Variants in MRPS10 observed in about 807,000 individuals in gnomAD.
MRPS10 encodes the protein small ribosomal subunit protein uS10m.
A neutral mutation model predicts 27.5 loss-of-function variants in MRPS10; 23 were observed. The observed-to-expected ratio is 0.84, with a 90% CI of 0.60 to 1.18. The LOEUF (loss-of-function observed/expected upper bound fraction) is 1.18. Ranked by LOEUF, MRPS10 falls within the 50% of genes most tolerant of loss-of-function variation. MRPS10 has a pLI of 0.00. For synonymous variants in MRPS10, 88 were observed against 84.2 expected (o/e 1.04, Z -0.25); for missense variants, 237 against 240.1 (o/e 0.99, Z 0.09).
intron 4 of MRPS10, 145 bp downstream of exon 4, chr6:42,211,636 T>A: frequency 2.7e-6 from 2 of 730,562 alleles, no homozygotes; most frequent in South Asian, 4.5e-5. Flanking sequence ...GTTGTGCCAC[T>A]GTACTCCAGC....
chr6:42,215,206 T>C (rs1467896218), intron 1 of MRPS10, among the ~76,000 whole-genome samples: 3 of 151,702 alleles, frequency 2.0e-5, no homozygotes, highest in Non-Finnish European at 4.4e-5. Flanking sequence ...CTGGCCAACA[T>C]GGTGAAACCC....
Position 42,214,197 on chromosome 6 carries a change from G to A in MRPS10, c.114-5C>T. 6.2e-7 allele frequency: 1 copy of A among 1,611,816 alleles called. No homozygotes were observed. The highest frequency in any genetic ancestry group is 8.5e-7 in the Non-Finnish European group (1 of 1,178,674). ...ACCCACTTCATATTGGTACTGCTAT[G>A]TGTGGGGAAAAAAAGAGAAACCTAA... On this transcript the variant is annotated splice_polypyrimidine_tract_variant and splice_region_variant and intron_variant, in intron 2 of 6. Coordinates refer to ENST00000053468, the MANE Select transcript of MRPS10 (RefSeq NM_018141.4).
At chr6:42,216,640 G>C in intron 1 of MRPS10, among the ~76,000 whole-genome samples, 1 of 151,356 alleles carries the variant, frequency 6.6e-6, no homozygotes, top group Non-Finnish European at 1.5e-5. Context: ...GTGAAACCCC[G>C]TCTCTGCTAA....
chr6:42,215,652 C>T (rs1434300107), intron 1 of MRPS10, among the ~76,000 whole-genome samples: 1 of 152,008 alleles, frequency 6.6e-6, no homozygotes, highest in African/African-American at 2.4e-5. Context: ...GTCTTGAACT[C>T]GTGGGCTCAA....
chr6:42,208,731 C>A, intron 6 of MRPS10, 127 bp downstream of exon 6: 1 of 658,672 alleles, frequency 1.5e-6, no homozygotes. Flanking sequence ...AACTGTGTCT[C>A]CCAGTTTGCC....
chr6:42,216,026 C>CTTTTTTTTTTTTTTTTTT (rs34985131), intron 1 of MRPS10, among the ~76,000 whole-genome samples: 7 of 56,974 alleles, frequency 1.2e-4, no homozygotes, highest in South Asian at 1.3e-3. Context: ...TTTTTCTTTT[C>CTTTTTTTTTTTTTTTTTT]TTTTTTTTTT....
rs184572331 is a variant in MRPS10, at chr6:42,208,976, T to C, written c.433-29A>G. 70 of 1,481,208 alleles carry C rather than the reference T, an allele frequency of 4.7e-5. No individual in the cohort carries two copies. In the African/African-American group the frequency reaches 8.4e-4, roughly 18 times the overall value. 91.8% of individuals were successfully genotyped at this position (1,481,208 alleles called of 1,614,324 possible). On this transcript the variant is annotated intron_variant, in intron 5 of 6. Transcript: ENST00000053468. ...AAACATCAAACATGAAAATGTTTCA[T>C]GTAAGCTGTTTGTTAAAGCACGGTT...
intron 1 of MRPS10, among the ~76,000 whole-genome samples, chr6:42,216,608 C>T (rs1406340616): frequency 2.6e-5 from 4 of 151,312 alleles, no homozygotes; most frequent in African/African-American, 4.9e-5. Flanking sequence ...GTCAGGAGTT[C>T]GAGACCAGCC....
intron 3 of MRPS10, among the ~76,000 whole-genome samples, chr6:42,212,447 A>C (rs566049309): frequency 1.3e-5 from 2 of 152,312 alleles, no homozygotes; most frequent in South Asian, 2.1e-4. Flanking sequence ...TATTATACAA[A>C]GCCAAGTTAG....
chr6:42,212,839 G>A (rs1479714983), intron 3 of MRPS10, among the ~76,000 whole-genome samples: 1 of 152,216 alleles, frequency 6.6e-6, no homozygotes, highest in Non-Finnish European at 1.5e-5. Flanking sequence ...GGGATGAGAA[G>A]GGGGAATATA....
chr6:42,208,887 GT>G lies in MRPS10; in HGVS notation c.492del (p.Leu164PhefsTer9). The part of the protein sequence containing the change: ...DVYLEYIQRN[L>X]PEGVAMEVTK... ...GTTACTTCCATGGCAACCCCTTCAGGTAAGTTTCGCTGAATATATTCCAAGT... is the reference window on the plus strand; with the variant it reads ...GTTACTTCCATGGCAACCCCTTCAGGAAGTTTCGCTGAATATATTCCAAGT... On this transcript the variant is annotated frameshift_variant, in exon 6 of 7. Coordinates refer to ENST00000053468, the MANE Select transcript of MRPS10 (RefSeq NM_018141.4). LOFTEE classifies it high-confidence loss of function. 6.2e-7 allele frequency: 1 copy of G among 1,611,130 alleles called. No homozygotes were observed. The highest frequency in any genetic ancestry group is 1.1e-5 in the South Asian group (1 of 90,780).
At position 42,216,385 on chromosome 6, in the gene MRPS10, A is replaced by AGAGAGAGAGAGAGAGTGTGTGTGTGTGT; in HGVS notation, c.48+1416_48+1417insACACACACACACACTCTCTCTCTCTCTC. On this transcript the variant is annotated intron_variant, in intron 1 of 6. Coordinates refer to ENST00000053468, the MANE Select transcript of MRPS10 (RefSeq NM_018141.4). ...GAGAGAGAGAGAGAGAGAGAGAGAG[A>AGAGAGAGAGAGAGAGTGTGTGTGTGTGT]GTGTGTGTGTGTGTGTGTGTGTGTG... is the stretch of plus-strand genomic sequence containing the variant. 1.6e-3 allele frequency among the ~76,000 whole-genome samples: 96 copies of AGAGAGAGAGAGAGAGTGTGTGTGTGTGT among 58,632 alleles called. 1 individual carries two copies. Among genetic ancestry groups the AGAGAGAGAGAGAGAGTGTGTGTGTGTGT allele is most frequent in the African/African-American group, 3.6e-3 (81 of 22,454 alleles). 38.5% of individuals were successfully genotyped at this position (58,632 alleles called of 152,430 possible).
intron 1 of MRPS10, among the ~76,000 whole-genome samples, chr6:42,216,383 A>T (rs148938768): frequency 0.027 from 1,235 of 46,138 alleles, 27 homozygotes; most frequent in African/African-American, 0.055. Context: ...AGAGAGAGAG[A>T]GAGTGTGTGT....
At chr6:42,216,189 A>G (rs921020399) in intron 1 of MRPS10, among the ~76,000 whole-genome samples, 1 of 150,712 alleles carries the variant, frequency 6.6e-6, no homozygotes, top group Non-Finnish European at 1.5e-5. Flanking sequence ...ACACTCAGCT[A>G]ATTTTTGTAT....
chr6:42,213,666 C>T (rs1210662424), intron 3 of MRPS10, among the ~76,000 whole-genome samples: 1 of 152,174 alleles, frequency 6.6e-6, no homozygotes, highest in African/African-American at 2.4e-5. Context: ...ATCATAGCTT[C>T]TACAGGGTTA....
rs992579759 is a variant in MRPS10 at position 42,206,859 on chromosome 6, C to T, written c.*1430G>A. Reference sequence around the variant, plus strand: ...TAATGGTGATGACAGTAACGTAAGTCTGATACACAAGCAGTATGTATTCAA... The same window carrying T: ...TAATGGTGATGACAGTAACGTAAGTTTGATACACAAGCAGTATGTATTCAA... On this transcript the variant is annotated 3_prime_UTR_variant, in exon 7 of 7. Transcript: ENST00000053468. The T allele has an allele frequency of 2.0e-5, 3 of 152,102 alleles. No homozygotes were observed. The highest frequency in any genetic ancestry group is 4.4e-5 in the Non-Finnish European group (3 of 68,038). The allele number at this position is 152,102 out of a possible 1,614,324, so 9.4% of individuals were successfully genotyped here.
At chr6:42,213,583 G>T (rs968541226) in intron 3 of MRPS10, among the ~76,000 whole-genome samples, 1 of 152,106 alleles carries the variant, frequency 6.6e-6, no homozygotes, top group African/African-American at 2.4e-5. Context: ...CTGTTAAAGG[G>T]GGTTATTTTT....
chr6:42,208,972 T>C (rs369078083), intron 5 of MRPS10, 25 bp from the exon 6 acceptor site: 1 of 1,506,654 alleles, frequency 6.6e-7, no homozygotes, highest in Non-Finnish European at 9.1e-7. Context: ...ATGAAAATGT[T>C]TCATGTAAGC....
chr6:42,216,379 A>T (rs376868008), intron 1 of MRPS10, among the ~76,000 whole-genome samples: 9 of 33,794 alleles, frequency 2.7e-4, no homozygotes, highest in African/African-American at 5.9e-4. Context: ...AGAGAGAGAG[A>T]GAGAGAGTGT....
Sources: allele counts gnomAD v4.1 joint callset (sites outside exome capture counted in the v4.1 genomes callset), GRCh38; gene constraint gnomAD v4.1.1; transcripts MANE v1.5; gene names NCBI Gene and HGNC (gene_info 2026-07-23, HGNC 2026-07-21).